Variants in OR14J1 observed in about 807,000 individuals in gnomAD.
The protein encoded by OR14J1 is olfactory receptor family 14 subfamily J member 1.
For synonymous variants in OR14J1, 140 were observed against 146.7 expected, an observed-to-expected ratio of 0.95 and a Z score of 0.33; for missense variants, 378 against 393.4, an observed-to-expected ratio of 0.96 and a Z score of 0.33.
intron 1 of OR14J1, 48 bp from the exon 2 acceptor site, chr6:29,306,614 A>G: frequency 2.4e-6 from 2 of 836,496 alleles, no homozygotes; most frequent in Admixed American, 2.1e-5. Context: ...ACACAAATAT[A>G]TTAGATGTCA....
intron 1 of OR14J1, among the ~76,000 whole-genome samples, chr6:29,302,770 G>A (rs1774803212): frequency 6.6e-6 from 1 of 152,192 alleles, no homozygotes; most frequent in Non-Finnish European, 1.5e-5. Flanking sequence ...TACAAGATGT[G>A]ATCTGCATCA....
Position 29,306,671 on chromosome 6 carries a change from TG to T in OR14J1, c.-17del, listed in dbSNP as rs747843444. The T allele has an allele frequency of 1.3e-5, 20 of 1,519,014 alleles. No homozygotes were observed. The South Asian group carries it at 1.9e-4, about 15-fold the overall frequency. 94.1% of individuals were successfully genotyped at this position (1,519,014 alleles called of 1,614,324 possible). On this transcript the variant is annotated 5_prime_UTR_variant, in exon 2 of 2. Transcript: ENST00000641895. ...TTGGCTTCCTAAACAGAGTCACACT[TG>T]GTATCTTCAGAGAGACTATGGTCAA...
chr6:29,304,777 C>T (rs765327685), intron 1 of OR14J1, among the ~76,000 whole-genome samples: 5 of 152,124 alleles, frequency 3.3e-5, no homozygotes, highest in Non-Finnish European at 5.9e-5. Flanking sequence ...GATTTTTCTC[C>T]TCCTTCCCTC....
Position 29,310,525 on chromosome 6 carries a change from A to G in OR14J1, c.*2870A>G, listed in dbSNP as rs1457415911. On this transcript the variant is annotated 3_prime_UTR_variant, in exon 2 of 2. Coordinates refer to ENST00000641895, the MANE Select transcript of OR14J1 (RefSeq NM_030946.2). Reference sequence around the variant, plus strand: ...GTTTTGGTTACTGTAGCTTTGTAGTATACTTTGAAGTCAGGTAGCATGATG... The same window carrying G: ...GTTTTGGTTACTGTAGCTTTGTAGTGTACTTTGAAGTCAGGTAGCATGATG... The G allele has an allele frequency of 6.6e-6, 1 of 152,116 alleles. No individual in the cohort carries two copies. Among genetic ancestry groups the G allele is most frequent in the Non-Finnish European group, 1.5e-5 (1 of 68,040 alleles). 9.4% of individuals were successfully genotyped at this position (152,116 alleles called of 1,614,324 possible). A position where few individuals can be genotyped will look rare whatever the true frequency, so the allele number is the denominator to read the frequency against.
Position 29,308,630 on chromosome 6 carries a change from T to G in OR14J1, c.*975T>G, listed in dbSNP as rs1775281215. On this transcript the variant is annotated 3_prime_UTR_variant, in exon 2 of 2. Coordinates refer to ENST00000641895, the MANE Select transcript of OR14J1 (RefSeq NM_030946.2). ...CACAAATCTTGTGAATCTGAATATC[T>G]GATTCAATTTTGTGTAATGCTGCAG... The G allele has an allele frequency of 6.6e-6, 1 of 152,214 alleles. No homozygotes were observed. The allele number at this position is 152,214 out of a possible 1,614,324, so 9.4% of individuals were successfully genotyped here.
chr6:29,303,979 G>T (rs1011815246), intron 1 of OR14J1, among the ~76,000 whole-genome samples: 3 of 152,082 alleles, frequency 2.0e-5, no homozygotes, highest in Non-Finnish European at 2.9e-5. Context: ...TTGAGTATAG[G>T]GTTGGTCACT....
At chr6:29,304,226 T>C (rs1025550690) in intron 1 of OR14J1, among the ~76,000 whole-genome samples, 1 of 152,084 alleles carries the variant, frequency 6.6e-6, no homozygotes, top group African/African-American at 2.4e-5. Flanking sequence ...TGGAATGAAT[T>C]AGAGTTTACC....
chr6:29,305,316 C>G (rs1340550631), intron 1 of OR14J1, among the ~76,000 whole-genome samples: 1 of 152,134 alleles, frequency 6.6e-6, no homozygotes, highest in Non-Finnish European at 1.5e-5. Context: ...ATAAATGAAA[C>G]AAACTACAAT....
rs146123664 is a variant in OR14J1, at chr6:29,307,286, A to T, written c.597A>T (p.Ala199=). 6.2e-7 allele frequency: 1 copy of T among 1,613,000 alleles called. No homozygotes were observed. The highest frequency in any genetic ancestry group is 8.5e-7 in the Non-Finnish European group (1 of 1,180,006). ...YEFINEIALA[A]FTTSAAFICL... ...TCATTAATGAGATTGCACTGGCTGC[A>T]TTCACAACGTCTGCAGCATTTATCT... Residue 199 remains alanine, a synonymous_variant, in exon 2 of 2, where the codon GCA becomes GCT. Transcript: ENST00000641895.
intron 1 of OR14J1, 37 bp from the exon 2 acceptor site, chr6:29,306,625 T>G (rs1775102404): frequency 2.2e-6 from 2 of 917,454 alleles, no homozygotes; most frequent in Non-Finnish European, 3.5e-6. Context: ...TTAGATGTCA[T>G]GCATTTTCTT....
rs185896304 is a variant in OR14J1, at chr6:29,312,662, G to C, written c.*5007G>C. The C allele has an allele frequency of 6.6e-6, 1 of 152,196 alleles. No individual in the cohort carries two copies. Among genetic ancestry groups the C allele is most frequent in the Non-Finnish European group, 1.5e-5 (1 of 68,092 alleles). 9.4% of individuals were successfully genotyped at this position (152,196 alleles called of 1,614,324 possible). On this transcript the variant is annotated 3_prime_UTR_variant, in exon 2 of 2. Transcript: ENST00000641895. ...TCAGTGGGAGCTGCAGACCGAAGCT[G>C]TTTCTATTCCACCATCTTTCCAGCC...
intron 1 of OR14J1, among the ~76,000 whole-genome samples, chr6:29,305,769 C>T (rs1191379623): frequency 4.6e-5 from 7 of 151,340 alleles, no homozygotes; most frequent in Admixed American, 4.6e-4. Context: ...AAGAAATGGG[C>T]TCCCACTATC....
rs138754967 is a variant in OR14J1, at chr6:29,308,306, T to C, written c.*651T>C. 6.6e-6 allele frequency: 1 copy of C among 152,212 alleles called. No homozygotes were observed. Among genetic ancestry groups the C allele is most frequent in the Non-Finnish European group, 1.5e-5 (1 of 68,040 alleles). The allele number at this position is 152,212 out of a possible 1,614,324, so 9.4% of individuals were successfully genotyped here. On this transcript the variant is annotated 3_prime_UTR_variant, in exon 2 of 2. Transcript: ENST00000641895. ...CAATAAGGTCATTTATGTTCCTTAC[T>C]GATGGCAAATGCATTATTACCCAAA...
intron 1 of OR14J1, among the ~76,000 whole-genome samples, chr6:29,303,715 T>TATCTATCC (rs1774869813): frequency 6.6e-6 from 1 of 150,668 alleles, no homozygotes; most frequent in Non-Finnish European, 1.5e-5. Context: ...TCTATCTATC[T>TATCTATCC]ATCTATCTAT....
chr6:29,306,166 G>GA (rs1011523719), intron 1 of OR14J1, among the ~76,000 whole-genome samples: 1 of 152,020 alleles, frequency 6.6e-6, no homozygotes, highest in African/African-American at 2.4e-5. Flanking sequence ...CTTTTCAAAG[G>GA]AAAAAATATG....
At chr6:29,302,081 C>T (rs966669864) in intron 1 of OR14J1, among the ~76,000 whole-genome samples, 1 of 150,812 alleles carries the variant, frequency 6.6e-6, no homozygotes, top group African/African-American at 2.4e-5. Flanking sequence ...CAGTTAAACT[C>T]AGGTGAATTA....
Position 29,306,920 on chromosome 6 carries a change from C to T in OR14J1, c.231C>T (p.Pro77=). 1.2e-6 allele frequency: 2 copies of T among 1,613,086 alleles called. No individual in the cohort carries two copies. Among genetic ancestry groups the T allele is most frequent in the Non-Finnish European group, 1.7e-6 (2 of 1,180,024 alleles). The stretch of plus-strand genomic sequence containing the variant: ...TCTGCTTCATCTCTGTCACAGTCCC[C>T]CAGTCCATTGCAAATTCACTTATGG... ...LDLCFISVTV[P]QSIANSLMGN... is the part of the protein sequence containing the mutation. The change falls in exon 2 of 2, where the codon CCC becomes CCT. Residue 77 remains proline, a synonymous_variant. Transcript: ENST00000641895.
chr6:29,306,860 G>A lies in OR14J1; in HGVS notation c.171G>A (p.Met57Ile). Residue 57 changes from methionine to isoleucine, a missense_variant, in exon 2 of 2, where the codon ATG (methionine) becomes ATA (isoleucine). Met to Ile is a conservative substitution (Grantham distance 10). Transcript: ENST00000641895. ...ITVDRRLHSPMYYFLKHLSLL... is the reference protein window; with the variant it reads ...ITVDRRLHSPIYYFLKHLSLL... Reference sequence around the variant, plus strand: ...TGGACCGTCGTCTCCATTCCCCCATGTATTACTTTTTAAAGCACCTCTCTC... The same window carrying A: ...TGGACCGTCGTCTCCATTCCCCCATATATTACTTTTTAAAGCACCTCTCTC... 1 of 1,613,008 alleles carries A rather than the reference G, an allele frequency of 6.2e-7. No individual in the cohort carries two copies. The highest frequency in any genetic ancestry group is 8.5e-7 in the Non-Finnish European group (1 of 1,180,004).
chr6:29,305,796 C>G (rs1247860014), intron 1 of OR14J1, among the ~76,000 whole-genome samples: 1 of 151,260 alleles, frequency 6.6e-6, no homozygotes, highest in Non-Finnish European at 1.5e-5. Flanking sequence ...ATTTCAAGTC[C>G]TAGAAAGAAA....
Sources: gnomAD v4.1 joint callset for allele counts (sites outside exome capture counted in the v4.1 genomes callset) on GRCh38, gnomAD v4.1.1 for gene constraint, MANE v1.5 for transcripts, NCBI Gene and HGNC (gene_info 2026-07-23, HGNC 2026-07-21) for gene names.